Variants in PEBP4 observed in about 807,000 individuals in gnomAD.
PEBP4 encodes the protein phosphatidylethanolamine binding protein 4.
A neutral mutation model predicts 23.9 loss-of-function variants in PEBP4; 22 were observed. The ratio of observed to expected loss-of-function variants is 0.92; its 90% CI spans 0.66 to 1.31. PEBP4 has a LOEUF of 1.31. Ranked by LOEUF, PEBP4 falls within the 40% of genes most tolerant of loss-of-function variation. The pLI, the probability that PEBP4 is intolerant of heterozygous loss-of-function variation, is 0.00. For missense variants in PEBP4, 324 were observed against 281.7 expected (o/e 1.15, Z -1.07); for synonymous variants, 112 against 99.3 (o/e 1.13, Z -0.76).
At chr8:22,809,326 G>A (rs1806567072) in intron 4 of PEBP4, among the ~76,000 whole-genome samples, 2 of 152,164 alleles carry the variant, frequency 1.3e-5, no homozygotes, top group Admixed American at 6.5e-5. Flanking sequence ...TGCACTTGGA[G>A]CCCCGGTCCA....
At chr8:22,881,671 C>G (rs1808261509) in intron 3 of PEBP4, among the ~76,000 whole-genome samples, 1 of 152,164 alleles carries the variant, frequency 6.6e-6, no homozygotes, top group Non-Finnish European at 1.5e-5. Context: ...GAATAACTCC[C>G]CCTGGAATGA....
At chr8:22,806,246 GT>G (rs1806492480) in intron 4 of PEBP4, among the ~76,000 whole-genome samples, 1 of 152,098 alleles carries the variant, frequency 6.6e-6, no homozygotes, top group Non-Finnish European at 1.5e-5. Flanking sequence ...AAAATTAACT[GT>G]TTTGTGTTAC....
At chr8:22,808,162 T>C (rs908580223) in intron 4 of PEBP4, among the ~76,000 whole-genome samples, 9 of 150,474 alleles carry the variant, frequency 6.0e-5, no homozygotes, top group African/African-American at 2.2e-4. Context: ...TCCATCCATC[T>C]ATCCATGCAT....
chr8:22,848,434 G>A (rs1053191581), intron 3 of PEBP4, among the ~76,000 whole-genome samples: 3 of 150,844 alleles, frequency 2.0e-5, no homozygotes, highest in African/African-American at 4.9e-5. Context: ...CCAGCCAAGG[G>A]GGATAGGGGA....
At chr8:22,797,195 G>T (rs1220446441) in intron 4 of PEBP4, among the ~76,000 whole-genome samples, 1 of 150,884 alleles carries the variant, frequency 6.6e-6, no homozygotes, top group African/African-American at 2.4e-5. Flanking sequence ...GGAGGTTGCG[G>T]TGAGCTGAGA....
chr8:22,892,966 G>C (rs1585328747), intron 3 of PEBP4, among the ~76,000 whole-genome samples: 1 of 152,218 alleles, frequency 6.6e-6, no homozygotes, highest in South Asian at 2.1e-4. Flanking sequence ...AGGTGGTCAT[G>C]ATTCACAAGG....
chr8:22,937,612 C>T (rs577540535), intron 1 of PEBP4, among the ~76,000 whole-genome samples: 2 of 151,900 alleles, frequency 1.3e-5, no homozygotes, highest in South Asian at 2.1e-4. Flanking sequence ...CTTGTGGGAC[C>T]CCAAATAGTC....
chr8:22,877,513 TAGCCAAA>T, intron 3 of PEBP4, among the ~76,000 whole-genome samples: 1 of 152,158 alleles, frequency 6.6e-6, no homozygotes, highest in Non-Finnish European at 1.5e-5. Flanking sequence ...TGTCTCTCCG[TAGCCAAA>T]TGGCTGGGAA....
At chr8:22,874,128 C>T (rs908264416) in intron 3 of PEBP4, among the ~76,000 whole-genome samples, 6 of 152,080 alleles carry the variant, frequency 3.9e-5, no homozygotes, top group South Asian at 2.1e-4. Flanking sequence ...CACCAGAACA[C>T]GGATGCCAGA....
intron 4 of PEBP4, among the ~76,000 whole-genome samples, chr8:22,763,973 C>T (rs1050663853): frequency 9.2e-5 from 14 of 152,160 alleles, no homozygotes; most frequent in African/African-American, 2.7e-4. Flanking sequence ...TCCAGAAGGA[C>T]GTGTAATTTG....
At chr8:22,778,403 A>T (rs1291335218) in intron 4 of PEBP4, among the ~76,000 whole-genome samples, 7 of 139,030 alleles carry the variant, frequency 5.0e-5, no homozygotes, top group African/African-American at 1.1e-4. Flanking sequence ...TTTTTTTTTG[A>T]GATGGAGTTT....
chr8:22,816,213 C>T (rs1806737536), intron 4 of PEBP4, among the ~76,000 whole-genome samples: 1 of 152,156 alleles, frequency 6.6e-6, no homozygotes, highest in African/African-American at 2.4e-5. Context: ...TGGTGTTTGG[C>T]CAGGGAAGTG....
chr8:22,805,926 A>C (rs1806485827), intron 4 of PEBP4, among the ~76,000 whole-genome samples: 1 of 151,914 alleles, frequency 6.6e-6, no homozygotes, highest in Admixed American at 6.6e-5. Context: ...TGATAGATGC[A>C]CAGAAAGGAG....
At chr8:22,829,915 G>A (rs925736099) in intron 3 of PEBP4, among the ~76,000 whole-genome samples, 1 of 152,238 alleles carries the variant, frequency 6.6e-6, no homozygotes, top group Middle Eastern at 3.4e-3. Flanking sequence ...TGCAGCCCTT[G>A]CTAAGATCAC....
chr8:22,878,223 G>GGAGAGGGAGGGGGAGA (rs1808167680), intron 3 of PEBP4: 1 of 149,616 alleles, frequency 6.7e-6, no homozygotes, highest in African/African-American at 2.5e-5. Context: ...AGAGGGAGGG[G>GGAGAGGGAGGGGGAGA]GAGAGGGAGG....
rs541903925 is a variant in PEBP4 at position 22,867,537 on chromosome 8, A to G, written c.259-49802T>C. 1.7e-4 allele frequency among the ~76,000 whole-genome samples: 26 copies of G among 152,200 alleles called. No homozygotes were observed. The South Asian group carries it at 5.4e-3, about 32-fold the overall frequency. On this transcript the variant is annotated intron_variant, in intron 3 of 6. Transcript: ENST00000256404. ...CCTCCACACCTGGCCCAGCTTCTCA[A>G]AGTGCCCTGGGTTCCCCCTTTCCAT...
At chr8:22,835,117 A>T (rs1807174202) in intron 3 of PEBP4, among the ~76,000 whole-genome samples, 1 of 152,204 alleles carries the variant, frequency 6.6e-6, no homozygotes, top group African/African-American at 2.4e-5. Flanking sequence ...CGTGGATTCC[A>T]GCCCCAGTTC....
At chr8:22,803,570 C>T (rs965928535) in intron 4 of PEBP4, among the ~76,000 whole-genome samples, 31 of 151,860 alleles carry the variant, frequency 2.0e-4, no homozygotes, top group African/African-American at 6.5e-4. Context: ...AAGCTGAGGC[C>T]GGAGAATGGC....
chr8:22,937,026 A>C (rs919039994), intron 1 of PEBP4, among the ~76,000 whole-genome samples: 2 of 152,216 alleles, frequency 1.3e-5, no homozygotes, highest in Non-Finnish European at 2.9e-5. Context: ...TTTTCCTCTA[A>C]GATCAGGAAC....
Sources: gnomAD v4.1 joint callset for allele counts (sites outside exome capture counted in the v4.1 genomes callset) on GRCh38, gnomAD v4.1.1 for gene constraint, MANE v1.5 for transcripts, NCBI Gene and HGNC (gene_info 2026-07-23, HGNC 2026-07-21) for gene names.